Variants in SPTBN4 observed in about 807,000 individuals in gnomAD.
SPTBN4 encodes the protein spectrin beta chain, non-erythrocytic 4.
Under a neutral mutation model 277.8 loss-of-function variants are expected in SPTBN4, and 96 were observed. The ratio of observed to expected loss-of-function variants is 0.35; its 90% CI spans 0.29 to 0.41. The LOEUF (loss-of-function observed/expected upper bound fraction) is 0.41, where lower values mean the gene tolerates loss of function less well. Among genes scored for constraint, SPTBN4 ranks in the 10% least tolerant of loss-of-function variants. SPTBN4 has a pLI of 1.00. For missense variants in SPTBN4, 3,006 were observed against 3,595.7 expected (o/e 0.84, Z 4.19); for synonymous variants, 1,481 against 1,580.3 (o/e 0.94, Z 1.49).
In SPTBN4 at chr19:40,513,354, C is replaced by T. The variant is rs372729742; in HGVS notation, c.2565C>T (p.Arg855=). 2.5e-6 allele frequency: 4 copies of T among 1,595,682 alleles called. No individual in the cohort carries two copies. The highest frequency in any genetic ancestry group is 3.4e-6 in the Non-Finnish European group (4 of 1,173,288). ...CACTGGTGGTGGCGCTGCAGGTGCG[C>T]GTGGTGGAAGCAGAGCAGTTGTTCG... ...AGPLVVALQV[R]VVEAEQLFAE... The change falls in exon 14 of 36, where the codon CGC becomes CGT. Residue 855 remains arginine (R), a synonymous_variant. Transcript: ENST00000598249.
At chr19:40,564,658 C>A (rs976668313) in intron 27 of SPTBN4, among the ~76,000 whole-genome samples, 3 of 151,184 alleles carry the variant, frequency 2.0e-5, no homozygotes, top group Admixed American at 6.6e-5. Flanking sequence ...GGCAACATAG[C>A]AAGACCCTGT....
Position 40,549,220 on chromosome 19 carries a change from G to A in SPTBN4, c.4391G>A (p.Arg1464His). 2 of 1,547,782 alleles carry A rather than the reference G, an allele frequency of 1.3e-6. No homozygotes were observed. Among genetic ancestry groups the A allele is most frequent in the Non-Finnish European group, 1.7e-6 (2 of 1,146,926 alleles). ...SMESQVEEWY[R>H]EVGELQAQTA... ...GAGTCGCAGGTGGAGGAGTGGTACC[G>A]CGAGGTGGGAGAGCTGCAGGCGCAG... Residue 1464 changes from arginine (R) to histidine (H), a missense_variant, in exon 21 of 36, where the codon CGC becomes CAC. Arg to His is a conservative substitution (Grantham distance 29). Around this residue, in one of 5 missense-constraint regions of SPTBN4, gnomAD observed 1,759 missense variants for 2,061.5 expected, o/e 0.85. Transcript: ENST00000598249.
At chr19:40,530,363 T>G in intron 18 of SPTBN4, 2 of 237,678 alleles carry the variant, frequency 8.4e-6, no homozygotes, top group Non-Finnish European at 6.8e-6. Context: ...TTGGGGCGAG[T>G]GGTGGTTCCT....
intron 27 of SPTBN4, among the ~76,000 whole-genome samples, chr19:40,563,040 T>C: frequency 6.6e-6 from 1 of 151,248 alleles, no homozygotes. Flanking sequence ...TGAGACCCCA[T>C]CTCTACAAAA....
intron 16 of SPTBN4, 40 bp from the exon 17 acceptor site, chr19:40,523,397 G>T: frequency 6.5e-7 from 1 of 1,549,782 alleles, no homozygotes. Context: ...TCCTGGAATG[G>T]AATGAGGCTG....
At chr19:40,567,454 T>C (rs1351044289) in intron 30 of SPTBN4, among the ~76,000 whole-genome samples, 1 of 152,200 alleles carries the variant, frequency 6.6e-6, no homozygotes, top group African/African-American at 2.4e-5. Flanking sequence ...TAGCCAATTC[T>C]TAAAAGAGCA....
In SPTBN4 at chr19:40,554,743, G is replaced by A. The variant is rs1359802790; in HGVS notation, c.5084+97G>A. 6.5e-7 allele frequency: 1 copy of A among 1,527,602 alleles called. No homozygotes were observed. The highest frequency in any genetic ancestry group is 1.4e-5 in the African/African-American group (1 of 72,882). The allele number at this position is 1,527,602 out of a possible 1,614,324, so 94.6% of individuals were successfully genotyped here. ...CAGCGCTGGAATTGGACGTTGGGTG[G>A]GAGAGGTCCTCCTTGCTGTGTGCTG... On this transcript the variant is annotated intron_variant, in intron 24 of 35. Coordinates refer to ENST00000598249, the MANE Select transcript of SPTBN4 (RefSeq NM_020971.3). The surrounding 1 kb of genome is among the most constrained non-coding windows in gnomAD (Gnocchi z 5.7).
chr19:40,575,471 G>T lies in SPTBN4; in HGVS notation c.7597G>T (p.Ala2533Ser), dbSNP rs769146610. 1 of 1,612,972 alleles carries T rather than the reference G, an allele frequency of 6.2e-7. No individual in the cohort carries two copies. Among genetic ancestry groups the T allele is most frequent in the East Asian group, 2.2e-5 (1 of 44,876 alleles). The change falls in exon 36 of 36, where the codon GCC becomes TCC. Residue 2533 changes from alanine (A) to serine (S), a missense_variant. Ala to Ser is a moderately conservative substitution (Grantham distance 99, BLOSUM62 1). This residue lies in a region of SPTBN4 where 630 missense variants were observed against 677.6 expected (regional missense o/e 0.93). Transcript: ENST00000598249. ...CTCGGTGGCGGAACACGCAGAGATC[G>T]CCCGCTGGGGCCAGACACTACCCAC... Reference protein sequence around the residue: ...ASSVAEHAEIARWGQTLPTTS... With the variant: ...ASSVAEHAEISRWGQTLPTTS...
In SPTBN4 at chr19:40,502,808, C is replaced by T. The variant is rs779521000; in HGVS notation, c.1237C>T (p.Arg413Trp). ...TGAGCTGGAGAAGGCTGAGCATGAGCGGGAGGCTGCCCTACGGGCTGAGCT... is the reference window on the plus strand; with the variant it reads ...TGAGCTGGAGAAGGCTGAGCATGAGTGGGAGGCTGCCCTACGGGCTGAGCT... ...WGELEKAEHE[R>W]EAALRAELIR... is the part of the protein sequence containing the mutation. The change falls in exon 11 of 36, where the codon CGG becomes TGG. Residue 413 changes from arginine to tryptophan, a missense_variant. By Grantham distance (101) the Arg-to-Trp change is moderately radical. This residue lies in a region of SPTBN4 where 1,759 missense variants were observed against 2,061.5 expected (regional missense o/e 0.85). Coordinates refer to ENST00000598249, the MANE Select transcript of SPTBN4 (RefSeq NM_020971.3). The surrounding 1 kb of genome is among the most constrained non-coding windows in gnomAD (Gnocchi z 4.9). 1.7e-5 allele frequency: 28 copies of T among 1,613,878 alleles called. No homozygotes were observed. Among genetic ancestry groups the T allele is most frequent in the Admixed American group, 1.3e-4 (8 of 60,006 alleles).
chr19:40,554,916 G>A lies in SPTBN4; in HGVS notation c.5084+270G>A. 1 of 427,192 alleles carries A rather than the reference G, an allele frequency of 2.3e-6. No individual in the cohort carries two copies. The allele number at this position is 427,192 out of a possible 1,614,324, so 26.5% of individuals were successfully genotyped here. A position where few individuals can be genotyped will look rare whatever the true frequency, so the allele number is the denominator to read the frequency against. On this transcript the variant is annotated intron_variant, in intron 24 of 35. Transcript: ENST00000598249. This position sits in a 1 kb window ranked among gnomAD's most constrained non-coding sequence, Gnocchi z 5.7. ...AAAGAGTAGGCGATGTCTAGGACTGGGGTAGAGAAGAATTTACTCAGGACA... is the reference window on the plus strand; with the variant it reads ...AAAGAGTAGGCGATGTCTAGGACTGAGGTAGAGAAGAATTTACTCAGGACA...
chr19:40,525,674 G>A (rs1453836505), intron 17 of SPTBN4, among the ~76,000 whole-genome samples: 1 of 152,196 alleles, frequency 6.6e-6, no homozygotes, highest in Non-Finnish European at 1.5e-5. Flanking sequence ...CCCGTGCTCT[G>A]TACGGAGTGG....
At chr19:40,469,679 T>A (rs2145793310) in intron 1 of SPTBN4, among the ~76,000 whole-genome samples, 1 of 152,030 alleles carries the variant, frequency 6.6e-6, no homozygotes, top group East Asian at 1.9e-4. Context: ...AGTCTCACTC[T>A]CTCACCCAGG....
intron 20 of SPTBN4, among the ~76,000 whole-genome samples, chr19:40,540,469 T>C (rs1188585583): frequency 6.6e-6 from 1 of 152,028 alleles, no homozygotes; most frequent in Non-Finnish European, 1.5e-5. Flanking sequence ...CACAAACTCC[T>C]GGGCTCAAAC....
intron 2 of SPTBN4, among the ~76,000 whole-genome samples, chr19:40,486,107 TAGTG>T (rs1172695564): frequency 1.3e-5 from 2 of 151,790 alleles, no homozygotes; most frequent in African/African-American, 4.8e-5. Context: ...CTGGGCAACA[TAGTG>T]AGACCCCTGT....
At chr19:40,526,304 T>C (rs578172946) in intron 17 of SPTBN4, among the ~76,000 whole-genome samples, 1 of 151,528 alleles carries the variant, frequency 6.6e-6, no homozygotes, top group South Asian at 2.1e-4. Context: ...TCCTGAGTAC[T>C]GGGATCACAG....
At chr19:40,547,523 A>T (rs1431219767) in intron 20 of SPTBN4, among the ~76,000 whole-genome samples, 1 of 152,216 alleles carries the variant, frequency 6.6e-6, no homozygotes, top group Non-Finnish European at 1.5e-5. Context: ...AGCATGATTT[A>T]TAATCCTTTG....
In SPTBN4 at chr19:40,534,109, C is replaced by G. The variant is rs761593172; in HGVS notation, c.4125C>G (p.Pro1375=). ...GCCAGCAACTGATGCAGGAGAAGCC[C>G]GAACTGGCGGCCTCCGTGCGGAAGA... The part of the protein sequence containing the change: ...REGQQLMQEK[P]ELAASVRKKL... The change falls in exon 20 of 36, where the codon CCC becomes CCG. Residue 1375 remains proline (P), a synonymous_variant. Transcript: ENST00000598249. 1 of 1,607,778 alleles carries G rather than the reference C, an allele frequency of 6.2e-7. No homozygotes were observed. Among genetic ancestry groups the G allele is most frequent in the Non-Finnish European group, 8.5e-7 (1 of 1,175,278 alleles).
At chr19:40,553,347 T>C (rs1333830019) in intron 22 of SPTBN4, among the ~76,000 whole-genome samples, 2 of 152,132 alleles carry the variant, frequency 1.3e-5, no homozygotes, top group Non-Finnish European at 2.9e-5. Context: ...CAGGGCATGG[T>C]GGTGCACACC....
chr19:40,470,510 T>C (rs2079872440), intron 1 of SPTBN4, among the ~76,000 whole-genome samples: 1 of 152,092 alleles, frequency 6.6e-6, no homozygotes, highest in Non-Finnish European at 1.5e-5. Flanking sequence ...TTTCACCATG[T>C]TGGCCGGGCT....
Sources: allele counts gnomAD v4.1 joint callset (sites outside exome capture counted in the v4.1 genomes callset), GRCh38; gene constraint gnomAD v4.1.1; regional missense constraint gnomAD v4.1.1; non-coding constraint Gnocchi (gnomAD v3.1); transcripts MANE v1.5; gene names NCBI Gene and HGNC (gene_info 2026-07-23, HGNC 2026-07-21).